The following SPTBN1 variants were observed in gnomAD, a reference collection of about 807,000 sequenced individuals.
The protein encoded by SPTBN1 is spectrin beta chain, non-erythrocytic 1.
In SPTBN1, 32 loss-of-function variants were observed where a neutral mutation model predicts 266.4. The observed-to-expected ratio is 0.12, with a 90% confidence interval of 0.09 to 0.16. The LOEUF (loss-of-function observed/expected upper bound fraction) is 0.16. Ranked by LOEUF, SPTBN1 falls within the 10% of genes least tolerant of loss-of-function variation. The pLI, the probability that SPTBN1 is intolerant of heterozygous loss-of-function variation, is 1.00. For missense variants in SPTBN1, 2,296 were observed against 3,067.1 expected, an observed-to-expected ratio of 0.75 and a Z score of 5.94; for synonymous variants, 1,336 against 1,162.2, an observed-to-expected ratio of 1.15 and a Z score of -3.04.
rs1679835750 is a variant in SPTBN1, at chr2:54,645,151, G to T, written c.4270-78G>T. 6.6e-7 allele frequency: 1 copy of T among 1,514,052 alleles called. No individual in the cohort carries two copies. Among genetic ancestry groups the T allele is most frequent in the South Asian group, 1.2e-5 (1 of 85,134 alleles). The allele number at this position is 1,514,052 out of a possible 1,614,324, so 93.8% of individuals were successfully genotyped here. ...GCTTTGCGGTGTGGCCAAGTCCCAG[G>T]CCCAGCAGTTCTGCTTAGAGCCAGT... On this transcript the variant is annotated intron_variant, in intron 20 of 35. Coordinates refer to ENST00000356805, the MANE Select transcript of SPTBN1 (RefSeq NM_003128.3). This position sits in a 1 kb window ranked among gnomAD's most constrained non-coding sequence, Gnocchi z 4.3.
At chr2:54,657,713 C>A in intron 29 of SPTBN1, 137 bp from the exon 30 acceptor site, 2 of 995,944 alleles carry the variant, frequency 2.0e-6, no homozygotes, top group Non-Finnish European at 2.9e-6. Flanking sequence ...TTACATTGGA[C>A]AGGGCTAATT....
In SPTBN1 at chr2:54,631,360, G is replaced by C; in HGVS notation, c.3313G>C (p.Glu1105Gln). The C allele has an allele frequency of 6.2e-7, 1 of 1,614,232 alleles. No homozygotes were observed. Among genetic ancestry groups the C allele is most frequent in the East Asian group, 2.2e-5 (1 of 44,888 alleles). The change falls in exon 16 of 36, where the codon GAG becomes CAG. Residue 1105 changes from glutamate (E) to glutamine (Q), a missense_variant. Coordinates refer to ENST00000356805, the MANE Select transcript of SPTBN1 (RefSeq NM_003128.3). ...GGCTGAGAAGCTGCTCACGCAGCAC[G>C]AGAACATCAAGAACGAGATCGACAA... ...TEAEKLLTQH[E>Q]NIKNEIDNYE...
chr2:54,631,651 C>T, intron 16 of SPTBN1, 40 bp downstream of exon 16: 1 of 1,579,396 alleles, frequency 6.3e-7, no homozygotes, highest in Non-Finnish European at 8.6e-7. Context: ...TCGGTGAAAG[C>T]AGCCCTGGCT....
intron 11 of SPTBN1, 118 bp from the exon 12 acceptor site, chr2:54,625,814 C>G: frequency 1.8e-6 from 2 of 1,131,164 alleles, no homozygotes; most frequent in South Asian, 3.2e-5. Flanking sequence ...TAGTCTCGAA[C>G]TCCTGACCTC....
chr2:54,498,275 G>A (rs912365475), intron 1 of SPTBN1, among the ~76,000 whole-genome samples: 2 of 152,086 alleles, frequency 1.3e-5, no homozygotes, highest in African/African-American at 2.4e-5. Context: ...ACTTGCTGCC[G>A]GCCATGTGTG....
At chr2:54,499,458 A>G (rs1669138588) in intron 1 of SPTBN1, among the ~76,000 whole-genome samples, 3 of 152,356 alleles carry the variant, frequency 2.0e-5, no homozygotes, top group South Asian at 2.1e-4. Flanking sequence ...AGAAATGGAC[A>G]TAATGGAGGA....
At chr2:54,482,117 C>G (rs1296748329) in intron 1 of SPTBN1, among the ~76,000 whole-genome samples, 2 of 152,056 alleles carry the variant, frequency 1.3e-5, no homozygotes, top group African/African-American at 4.8e-5. Flanking sequence ...TTTGAAGTGC[C>G]TGGTCGGATA....
At chr2:54,604,325 G>A (rs1241812107) in intron 3 of SPTBN1, among the ~76,000 whole-genome samples, 1 of 152,144 alleles carries the variant, frequency 6.6e-6, no homozygotes, top group African/African-American at 2.4e-5. Context: ...ATAAAAAAAA[G>A]AGGCCAAATT....
At chr2:54,570,077 C>T (rs562994584) in intron 2 of SPTBN1, among the ~76,000 whole-genome samples, 4 of 151,244 alleles carry the variant, frequency 2.6e-5, no homozygotes, top group African/African-American at 9.6e-5. Flanking sequence ...TTCATAAAAG[C>T]CTCTGGAGCA....
At chr2:54,594,197 C>A (rs1675891880) in intron 2 of SPTBN1, among the ~76,000 whole-genome samples, 1 of 151,948 alleles carries the variant, frequency 6.6e-6, no homozygotes. Context: ...GCTCTGGAGC[C>A]AGCCTGCCTG....
intron 1 of SPTBN1, among the ~76,000 whole-genome samples, chr2:54,519,351 G>A (rs890596892): frequency 2.6e-5 from 4 of 152,202 alleles, no homozygotes; most frequent in Admixed American, 6.5e-5. Context: ...TGATAGGTCA[G>A]CGGTGCATAA....
chr2:54,655,515 G>A (rs1008805418), intron 28 of SPTBN1, among the ~76,000 whole-genome samples: 5 of 152,222 alleles, frequency 3.3e-5, no homozygotes, highest in African/African-American at 7.2e-5. Flanking sequence ...GTTTGCTGTT[G>A]AGTGCATGGT....
At chr2:54,473,133 T>A (rs1187526238) in intron 1 of SPTBN1, among the ~76,000 whole-genome samples, 1 of 152,202 alleles carries the variant, frequency 6.6e-6, no homozygotes, top group African/African-American at 2.4e-5. Context: ...TTTCCGTATT[T>A]TACATGTATT....
At chr2:54,529,353 C>G (rs562563783) in intron 2 of SPTBN1, 7 of 605,346 alleles carry the variant, frequency 1.2e-5, no homozygotes, top group South Asian at 9.3e-5. Context: ...AAGATGGCAC[C>G]GAAAGTGAAG....
At chr2:54,514,976 T>C (rs1670043355) in intron 1 of SPTBN1, among the ~76,000 whole-genome samples, 1 of 152,082 alleles carries the variant, frequency 6.6e-6, no homozygotes, top group South Asian at 2.1e-4. Context: ...GAAAATATGG[T>C]TTAGGAGTCA....
At chr2:54,627,064 G>A (rs1019562882) in intron 12 of SPTBN1, among the ~76,000 whole-genome samples, 5 of 152,124 alleles carry the variant, frequency 3.3e-5, no homozygotes, top group African/African-American at 1.2e-4. Flanking sequence ...GTCTCAGCAC[G>A]CTGTGTTCCC....
chr2:54,510,608 T>C (rs577990116), intron 1 of SPTBN1, among the ~76,000 whole-genome samples: 2 of 152,350 alleles, frequency 1.3e-5, no homozygotes, highest in African/African-American at 4.8e-5. Flanking sequence ...CATTTTGAGA[T>C]AGGAAAAACA....
At chr2:54,519,614 G>A (rs190427018) in intron 1 of SPTBN1, among the ~76,000 whole-genome samples, 276 of 152,284 alleles carry the variant, frequency 1.8e-3, no homozygotes, top group African/African-American at 6.3e-3. Flanking sequence ...AGGTCCTCGT[G>A]AAGAATCTCA....
At chr2:54,504,338 C>T (rs372074857) in intron 1 of SPTBN1, among the ~76,000 whole-genome samples, 11 of 151,982 alleles carry the variant, frequency 7.2e-5, no homozygotes, top group Non-Finnish European at 1.3e-4. Context: ...CCTCCTTTTT[C>T]GGAGAATAAA....
Sources: allele counts gnomAD v4.1 joint callset (sites outside exome capture counted in the v4.1 genomes callset), GRCh38; gene constraint gnomAD v4.1.1; non-coding constraint Gnocchi (gnomAD v3.1); transcripts MANE v1.5; gene names NCBI Gene and HGNC (gene_info 2026-07-23, HGNC 2026-07-21).